Variants in WDFY2 observed in about 807,000 individuals in gnomAD.
WDFY2 encodes the protein WD repeat and FYVE domain-containing protein 2.
Under a neutral mutation model 56.4 loss-of-function variants are expected in WDFY2, and 36 were observed. That is an observed-to-expected ratio of 0.64 (90% CI 0.49 to 0.84). The LOEUF is 0.84. Among genes scored for constraint, WDFY2 ranks in the 40% least tolerant of loss-of-function variants. The probability of loss-of-function intolerance (pLI) is 0.00; values close to 1 mark genes in which losing one functional copy is unlikely to be tolerated. For synonymous variants in WDFY2, 176 were observed against 183.7 expected, an observed-to-expected ratio of 0.96 and a Z score of 0.34; for missense variants, 444 against 512.2, an observed-to-expected ratio of 0.87 and a Z score of 1.29.
intron 5 of WDFY2, among the ~76,000 whole-genome samples, chr13:51,722,121 T>A (rs991731964): frequency 2.6e-5 from 4 of 151,836 alleles, no homozygotes; most frequent in Admixed American, 2.6e-4. Flanking sequence ...AGATTATGAA[T>A]AATATCATTA....
In WDFY2 at chr13:51,584,669, A is replaced by G. The variant is rs1363663990; in HGVS notation, c.-19A>G. On this transcript the variant is annotated 5_prime_UTR_variant, in exon 1 of 12. Coordinates refer to ENST00000298125, the MANE Select transcript of WDFY2 (RefSeq NM_052950.4). ...GCGGCGCGGTTGGCGGCGGCGCCCC[A>G]GGCGCGCCCCCTCCTCCGATGGCGG... 1.2e-6 allele frequency: 2 copies of G among 1,604,796 alleles called. No individual in the cohort carries two copies. Among genetic ancestry groups the G allele is most frequent in the Non-Finnish European group, 1.7e-6 (2 of 1,176,768 alleles).
At chr13:51,653,589 G>T (rs1566075569) in intron 1 of WDFY2, among the ~76,000 whole-genome samples, 1 of 152,182 alleles carries the variant, frequency 6.6e-6, no homozygotes, top group South Asian at 2.1e-4. Flanking sequence ...TGGTGTGCAT[G>T]TCCTTTCTGT....
intron 1 of WDFY2, among the ~76,000 whole-genome samples, chr13:51,637,436 A>G (rs1202133293): frequency 1.3e-5 from 2 of 151,314 alleles, no homozygotes; most frequent in Non-Finnish European, 3.0e-5. Flanking sequence ...AAAGTTGGCA[A>G]CCCTCTGTTT....
At chr13:51,595,415 T>A in intron 1 of WDFY2, among the ~76,000 whole-genome samples, 1 of 152,206 alleles carries the variant, frequency 6.6e-6, no homozygotes, top group South Asian at 2.1e-4. Flanking sequence ...GGTTTAAACA[T>A]ATGGACTTCA....
chr13:51,643,312 C>G (rs1284609389), intron 1 of WDFY2, among the ~76,000 whole-genome samples: 1 of 152,134 alleles, frequency 6.6e-6, no homozygotes, highest in Non-Finnish European at 1.5e-5. Flanking sequence ...TAATCCATCT[C>G]AGATTCAGAA....
chr13:51,728,735 A>T (rs1441498560), intron 6 of WDFY2, among the ~76,000 whole-genome samples: 1 of 152,244 alleles, frequency 6.6e-6, no homozygotes, highest in African/African-American at 2.4e-5. Context: ...GATCATCTTA[A>T]TTATTTATGC....
intron 6 of WDFY2, among the ~76,000 whole-genome samples, chr13:51,729,030 C>T (rs952779098): frequency 6.6e-6 from 1 of 152,316 alleles, no homozygotes; most frequent in Non-Finnish European, 1.5e-5. Flanking sequence ...ATTTTCCCAG[C>T]GTCTCTTCCC....
chr13:51,715,196 AT>A (rs1210628024), intron 4 of WDFY2, among the ~76,000 whole-genome samples: 4 of 152,016 alleles, frequency 2.6e-5, no homozygotes, highest in African/African-American at 9.7e-5. Flanking sequence ...TATTAAAAAT[AT>A]TTTTTCAATA....
At chr13:51,723,712 G>A (rs927876334) in intron 5 of WDFY2, among the ~76,000 whole-genome samples, 4 of 152,100 alleles carry the variant, frequency 2.6e-5, no homozygotes, top group Admixed American at 6.5e-5. Flanking sequence ...TTGGATTGTC[G>A]CCCTTTCAGT....
chr13:51,702,961 A>C (rs565694918), intron 3 of WDFY2, among the ~76,000 whole-genome samples: 1 of 152,176 alleles, frequency 6.6e-6, no homozygotes, highest in African/African-American at 2.4e-5. Context: ...ACAGACACTT[A>C]TGTGTCCCCA....
At chr13:51,746,207 C>T (rs974822606) in intron 7 of WDFY2, among the ~76,000 whole-genome samples, 5 of 152,100 alleles carry the variant, frequency 3.3e-5, no homozygotes, top group African/African-American at 1.2e-4. Context: ...GTCTTGAACT[C>T]CCAAAGTGCT....
At chr13:51,629,826 C>CTTTTTTTTTTTTTTTTTTTTTTTT (rs11432630) in intron 1 of WDFY2, among the ~76,000 whole-genome samples, 1 of 125,142 alleles carries the variant, frequency 8.0e-6, no homozygotes, top group Non-Finnish European at 1.6e-5. Context: ...TCTTTCTTTT[C>CTTTTTTTTTTTTTTTTTTTTTTTT]TTTTTTTTTT....
intron 7 of WDFY2, among the ~76,000 whole-genome samples, chr13:51,749,623 A>G (rs1053336916): frequency 2.0e-5 from 3 of 152,166 alleles, no homozygotes; most frequent in East Asian, 1.9e-4. Context: ...TTAAAGTGGC[A>G]AAAAATGAAC....
intron 1 of WDFY2, among the ~76,000 whole-genome samples, chr13:51,652,164 T>C (rs1368649015): frequency 6.6e-6 from 1 of 152,236 alleles, no homozygotes; most frequent in African/African-American, 2.4e-5. Flanking sequence ...TGTAATGGCC[T>C]TCTTTGTCTC....
intron 11 of WDFY2, among the ~76,000 whole-genome samples, chr13:51,759,370 G>T (rs1323603048): frequency 6.6e-6 from 1 of 152,180 alleles, no homozygotes; most frequent in Non-Finnish European, 1.5e-5. Context: ...AATCTATATT[G>T]TCGCTTTCAT....
At chr13:51,641,743 G>T (rs375555269) in intron 1 of WDFY2, among the ~76,000 whole-genome samples, 3 of 144,690 alleles carry the variant, frequency 2.1e-5, no homozygotes, top group African/African-American at 7.6e-5. Flanking sequence ...GGAGAATGAC[G>T]TGAACCCGGG....
chr13:51,736,702 A>G (rs1444552965), intron 6 of WDFY2, among the ~76,000 whole-genome samples: 1 of 152,202 alleles, frequency 6.6e-6, no homozygotes, highest in Non-Finnish European at 1.5e-5. Context: ...CATATTGGCC[A>G]GGCTGGTCTC....
Position 51,731,330 on chromosome 13 carries a change from A to G in WDFY2, c.598+3540A>G, listed in dbSNP as rs566761054. On this transcript the variant is annotated intron_variant, in intron 6 of 11. Coordinates refer to ENST00000298125, the MANE Select transcript of WDFY2 (RefSeq NM_052950.4). ...GTAGCACCTTCTAAGCACTCTTGTC[A>G]GCCACATATGGTTCAAAGGTCCCGT... Among the ~76,000 whole-genome samples, 11 of 152,346 alleles carry G rather than the reference A, an allele frequency of 7.2e-5. No homozygotes were observed. The South Asian group carries it at 2.1e-3, about 29-fold the overall frequency.
intron 3 of WDFY2, among the ~76,000 whole-genome samples, chr13:51,692,362 C>A (rs533968422): frequency 1.2e-3 from 183 of 152,228 alleles, no homozygotes; most frequent in African/African-American, 4.3e-3. Context: ...TTTTGAAATA[C>A]GTCCCATCAA....
Sources: allele counts gnomAD v4.1 joint callset (sites outside exome capture counted in the v4.1 genomes callset), GRCh38; gene constraint gnomAD v4.1.1; transcripts MANE v1.5; gene names NCBI Gene and HGNC (gene_info 2026-07-23, HGNC 2026-07-21).